The following OSCP1 variants were observed in gnomAD, a reference collection of about 807,000 sequenced individuals.
The protein encoded by OSCP1 is protein OSCP1.
A neutral mutation model predicts 45.1 loss-of-function variants in OSCP1; 35 were observed. The ratio of observed to expected loss-of-function variants is 0.78; its 90% CI spans 0.59 to 1.03. The LOEUF is 1.03. Among genes scored for constraint, OSCP1 ranks in the 50% least tolerant of loss-of-function variants. The pLI, the probability that OSCP1 is intolerant of heterozygous loss-of-function variation, is 0.00. For synonymous variants in OSCP1, 179 were observed against 180.1 expected, an observed-to-expected ratio of 0.99 and a Z score of 0.05; for missense variants, 400 against 470.7, an observed-to-expected ratio of 0.85 and a Z score of 1.39.
At chr1:36,440,885 T>C (rs572837688) in intron 1 of OSCP1, 1 of 152,162 alleles carries the variant, frequency 6.6e-6, no homozygotes. Flanking sequence ...TCTGGTTAGG[T>C]TAATGCTTAC....
At chr1:36,424,642 G>A (rs1011204304) in intron 4 of OSCP1, among the ~76,000 whole-genome samples, 1 of 152,162 alleles carries the variant, frequency 6.6e-6, no homozygotes, top group Non-Finnish European at 1.5e-5. Flanking sequence ...GGATCCAGCT[G>A]ACATTTAAGT....
chr1:36,443,079 T>C, intron 1 of OSCP1, among the ~76,000 whole-genome samples: 1 of 152,184 alleles, frequency 6.6e-6, no homozygotes, highest in Non-Finnish European at 1.5e-5. Context: ...TTCTCCTGCC[T>C]CAGTCTCCCA....
At chr1:36,431,921 A>G (rs1202885185) in intron 3 of OSCP1, 39 bp from the exon 4 acceptor site, 1 of 1,591,630 alleles carries the variant, frequency 6.3e-7, no homozygotes, top group Non-Finnish European at 8.6e-7. Flanking sequence ...TCACTTTCCA[A>G]GAGGGATGAG....
rs754939733 is a variant in OSCP1, at chr1:36,428,352, C to CA, written c.516+3449dup. ...GCCCAGGTACAAAACTCAAAGTTCTCAAAAGGGTATACATAATGGAAAGTC... is the reference window on the plus strand; with the variant it reads ...GCCCAGGTACAAAACTCAAAGTTCTCAAAAAGGGTATACATAATGGAAAGTC... On this transcript the variant is annotated intron_variant, in intron 4 of 9. Coordinates refer to ENST00000235532, the MANE Select transcript of OSCP1 (RefSeq NM_145047.5). 48 of 1,612,886 alleles carry CA rather than the reference C, an allele frequency of 3.0e-5. No individual in the cohort carries two copies. In the East Asian group the frequency reaches 9.8e-4, roughly 33 times the overall value.
rs554012638 is a variant in OSCP1, at chr1:36,449,594, T to C, written c.112+664A>G. Among the ~76,000 whole-genome samples the C allele has an allele frequency of 2.6e-5, 4 of 152,012 alleles. No individual in the cohort carries two copies. In the East Asian group the frequency reaches 7.7e-4, roughly 29 times the overall value. On this transcript the variant is annotated intron_variant, in intron 1 of 9. Transcript: ENST00000235532. ...GCTCACGCCTATAATCCCAGCACTT[T>C]GGGAGGCCGAGGGGGGCAGATCGTT...
rs558693722 is a variant in OSCP1 at position 36,428,764 on chromosome 1, G to A, written c.516+3038C>T. 2.0e-4 allele frequency among the ~76,000 whole-genome samples: 30 copies of A among 152,250 alleles called. No individual in the cohort carries two copies. The South Asian group carries it at 5.8e-3, about 29-fold the overall frequency. ...ATTTGAGACCAGCCTGGCTAACATG[G>A]TGAAACCCCATCTCTACTAAAAATA... On this transcript the variant is annotated intron_variant, in intron 4 of 9. Coordinates refer to ENST00000235532, the MANE Select transcript of OSCP1 (RefSeq NM_145047.5).
chr1:36,430,771 C>T (rs908075226), intron 4 of OSCP1, among the ~76,000 whole-genome samples: 1 of 152,316 alleles, frequency 6.6e-6, no homozygotes, highest in African/African-American at 2.4e-5. Flanking sequence ...TCTCCTGCCT[C>T]AGCCTCCTGA....
chr1:36,443,060 T>C (rs903195402), intron 1 of OSCP1, among the ~76,000 whole-genome samples: 14 of 152,134 alleles, frequency 9.2e-5, no homozygotes, highest in African/African-American at 3.1e-4. Flanking sequence ...GCCTCCCAGG[T>C]TCAAGTGATT....
chr1:36,442,981 T>G (rs1649292551), intron 1 of OSCP1, among the ~76,000 whole-genome samples: 1 of 151,054 alleles, frequency 6.6e-6, no homozygotes, highest in African/African-American at 2.4e-5. Flanking sequence ...TTATTATTTT[T>G]GAAGTGGAGT....
In OSCP1 at chr1:36,422,137, G is replaced by A. The variant is rs1345740710; in HGVS notation, c.819+13C>T. 1 of 1,611,546 alleles carries A rather than the reference G, an allele frequency of 6.2e-7. No individual in the cohort carries two copies. Among genetic ancestry groups the A allele is most frequent in the East Asian group, 2.2e-5 (1 of 44,878 alleles). On this transcript the variant is annotated intron_variant, in intron 7 of 9. Coordinates refer to ENST00000235532, the MANE Select transcript of OSCP1 (RefSeq NM_145047.5). The stretch of plus-strand genomic sequence containing the variant: ...AGAAGCTGTGAGGGTAGGCAAGGAA[G>A]GCAGAAGCTCACCTGGGTCCATGAG...
intron 1 of OSCP1, among the ~76,000 whole-genome samples, chr1:36,441,997 G>A (rs1649212788): frequency 6.6e-6 from 1 of 152,068 alleles, no homozygotes; most frequent in South Asian, 2.1e-4. Context: ...GGAGGCCGAG[G>A]TGGGTGGATC....
rs150491917 is a variant in OSCP1 at position 36,450,277 on chromosome 1, C to G, written c.93G>C (p.Pro31=). ...TCTCACCTTTGCGGGCCTTGTCTCC[C>G]GGGATGTTCTGGGCCCGCAGCCGTT... The part of the protein sequence containing the change: ...LDQRLRAQNI[P]GDKARKVLND... Residue 31 remains proline, a synonymous_variant, in exon 1 of 10, where the codon CCG becomes CCC. Coordinates refer to ENST00000235532, the MANE Select transcript of OSCP1 (RefSeq NM_145047.5). 1.9e-4 allele frequency: 307 copies of G among 1,613,312 alleles called. 1 individual carries two copies. The African/African-American group carries it at 3.4e-3, about 18-fold the overall frequency.
intron 4 of OSCP1, among the ~76,000 whole-genome samples, chr1:36,431,374 G>C (rs1333014528): frequency 6.6e-6 from 1 of 152,050 alleles, no homozygotes; most frequent in Non-Finnish European, 1.5e-5. Context: ...GAGAGGGAAG[G>C]GAAGGGAAGC....
intron 2 of OSCP1, among the ~76,000 whole-genome samples, chr1:36,434,129 A>G (rs77139925): frequency 0.1 from 15,540 of 152,164 alleles, 942 homozygotes; most frequent in East Asian, 0.29. Context: ...TGGGAGCGGA[A>G]GAGCCAGGAG....
At chr1:36,443,301 GGT>G (rs1203787154) in intron 1 of OSCP1, among the ~76,000 whole-genome samples, 6 of 152,074 alleles carry the variant, frequency 3.9e-5, no homozygotes, top group Admixed American at 3.3e-4. Context: ...CAGCATACTT[GGT>G]GTGGTGAGAG....
chr1:36,420,577 C>T lies in OSCP1; in HGVS notation c.858G>A (p.Leu286=). ...IAPNPLAKEE[L]NFLARLMGGM... ...CTCCCATCAGCCTGGCCAAGAAATT[C>T]AGCTCTTCTTTAGCAAGAGGGTTTG... Residue 286 remains leucine (L), a synonymous_variant, in exon 8 of 10, where the codon CTG becomes CTA. Coordinates refer to ENST00000235532, the MANE Select transcript of OSCP1 (RefSeq NM_145047.5). 6.2e-7 allele frequency: 1 copy of T among 1,614,114 alleles called. No homozygotes were observed. Among genetic ancestry groups the T allele is most frequent in the Non-Finnish European group, 8.5e-7 (1 of 1,180,024 alleles).
chr1:36,427,255 C>T (rs1449850756), intron 4 of OSCP1, among the ~76,000 whole-genome samples: 1 of 147,644 alleles, frequency 6.8e-6, no homozygotes, highest in Non-Finnish European at 1.5e-5. Context: ...CTGCCTTGGC[C>T]TCCCAAAGTG....
In OSCP1 at chr1:36,420,634, G is replaced by A; in HGVS notation, c.820-19C>T. The A allele has an allele frequency of 5.0e-6, 8 of 1,612,128 alleles. No homozygotes were observed. The highest frequency in any genetic ancestry group is 6.8e-6 in the Non-Finnish European group (8 of 1,179,172). The stretch of plus-strand genomic sequence containing the variant: ...TGCTTTCCTGCAGAAACAGTTGCAT[G>A]ATTTTTAGCCACATGAAGGCAATCA... On this transcript the variant is annotated intron_variant, in intron 7 of 9. Transcript: ENST00000235532.
At chr1:36,429,292 T>C (rs1406807149) in intron 4 of OSCP1, among the ~76,000 whole-genome samples, 2 of 150,202 alleles carry the variant, frequency 1.3e-5, no homozygotes, top group African/African-American at 4.9e-5. Flanking sequence ...GAGGCTGAGG[T>C]GGAAGGTCAC....
Sources: gnomAD v4.1 joint callset for allele counts (sites outside exome capture counted in the v4.1 genomes callset) on GRCh38, gnomAD v4.1.1 for gene constraint, MANE v1.5 for transcripts, NCBI Gene and HGNC (gene_info 2026-07-23, HGNC 2026-07-21) for gene names.